The following STK38L variants were observed in gnomAD, a reference collection of about 807,000 sequenced individuals.
The protein encoded by STK38L is serine/threonine kinase 38 like.
STK38L carries 28 observed loss-of-function variants against 59.7 expected under a neutral mutation model. That is an observed-to-expected ratio of 0.47 (90% CI 0.35 to 0.64). The LOEUF is 0.64. STK38L is among the 30% of genes least tolerant of loss of function. The pLI, the probability that STK38L is intolerant of heterozygous loss-of-function variation, is 0.01. For synonymous variants in STK38L, 162 were observed against 176.8 expected, an observed-to-expected ratio of 0.92 and a Z score of 0.66; for missense variants, 314 against 555.8, an observed-to-expected ratio of 0.56 and a Z score of 4.37.
chr12:27,289,539 G>T (rs747702871), intron 1 of STK38L, among the ~76,000 whole-genome samples: 1 of 152,218 alleles, frequency 6.6e-6, no homozygotes. Flanking sequence ...CTAATGTTGA[G>T]TTCAGCACCA....
rs111612890 is a variant in STK38L at position 27,255,823 on chromosome 12, C to T, written c.-12+11491C>T. ...AACCGGTATATCTTGCTCAGGTCCC[C>T]GTCCTGATCTTAAGACCCCATTGTC... is the stretch of plus-strand genomic sequence containing the variant. On this transcript the variant is annotated intron_variant, in intron 1 of 13. Transcript: ENST00000389032. Among the ~76,000 whole-genome samples the T allele has an allele frequency of 6.4e-4, 98 of 152,196 alleles. 1 individual carries two copies. The highest frequency in any genetic ancestry group is 8.5e-4 in the Admixed American group (13 of 15,280).
At chr12:27,296,939 C>G (rs1314581398) in intron 1 of STK38L, 1 of 152,244 alleles carries the variant, frequency 6.6e-6, no homozygotes, top group Non-Finnish European at 1.5e-5. Flanking sequence ...TGCCTTTAAG[C>G]AGACATACAT....
At chr12:27,271,681 G>A (rs1389929351) in intron 1 of STK38L, among the ~76,000 whole-genome samples, 1 of 152,100 alleles carries the variant, frequency 6.6e-6, no homozygotes, top group African/African-American at 2.4e-5. Context: ...TTTGAAATGT[G>A]TCTACTCATT....
rs1372477744 is a variant in STK38L, at chr12:27,302,137, G to A, written c.135G>A (p.Arg45=). The A allele has an allele frequency of 6.2e-7, 1 of 1,603,204 alleles. No individual in the cohort carries two copies. Residue 45 remains arginine (R), a splice_region_variant and synonymous_variant, in exon 3 of 14, where the codon AGG becomes AGA. Coordinates refer to ENST00000389032, the MANE Select transcript of STK38L (RefSeq NM_015000.4). ...TTTAATTTTTTTTTCCTTTGAAAAG[G>A]CAGAAGAAATTAGAAGTGGCCATGG... ...LILQHEERET[R]QKKLEVAMEE...
At chr12:27,320,710 C>T (rs1427848067) in intron 12 of STK38L, among the ~76,000 whole-genome samples, 1 of 151,794 alleles carries the variant, frequency 6.6e-6, no homozygotes, top group Non-Finnish European at 1.5e-5. Context: ...TGTTATTATC[C>T]CTGTCTTACA....
chr12:27,290,847 C>T lies in STK38L; in HGVS notation c.-11-6863C>T, dbSNP rs1943881090. Among the ~76,000 whole-genome samples the T allele has an allele frequency of 2.6e-5, 4 of 152,166 alleles. No homozygotes were observed. The South Asian group carries it at 8.3e-4, about 31-fold the overall frequency. ...AGACTTTTCAGGAGAAACCAGAAAC[C>T]TGGATTTTCATGTGAAACCTTCTAC... On this transcript the variant is annotated intron_variant, in intron 1 of 13. Transcript: ENST00000389032.
intron 1 of STK38L, among the ~76,000 whole-genome samples, chr12:27,296,855 A>G (rs1944037368): frequency 6.6e-6 from 1 of 152,186 alleles, no homozygotes; most frequent in Non-Finnish European, 1.5e-5. Context: ...TCCTTATCTA[A>G]TAGTCCAGAT....
At chr12:27,263,427 A>G (rs1943243204) in intron 1 of STK38L, among the ~76,000 whole-genome samples, 1 of 152,190 alleles carries the variant, frequency 6.6e-6, no homozygotes. Context: ...GCCTGGTCTC[A>G]TGGAGATTGA....
intron 1 of STK38L, among the ~76,000 whole-genome samples, chr12:27,276,406 G>T (rs544612447): frequency 1.4e-4 from 22 of 152,136 alleles, no homozygotes; most frequent in Non-Finnish European, 2.6e-4. Flanking sequence ...CAGAAATCTG[G>T]CAGCCTGTCC....
At chr12:27,259,280 C>G (rs1943153934) in intron 1 of STK38L, among the ~76,000 whole-genome samples, 1 of 152,152 alleles carries the variant, frequency 6.6e-6, no homozygotes, top group South Asian at 2.1e-4. Flanking sequence ...GTCTTAACCT[C>G]TTTGGTCTTC....
At chr12:27,244,460 G>A (rs1942805214) in intron 1 of STK38L, 128 bp downstream of exon 1, 2 of 152,856 alleles carry the variant, frequency 1.3e-5, no homozygotes, top group Admixed American at 6.5e-5. Context: ...CTAATTCTGG[G>A]GCTGGAAATG....
chr12:27,267,406 C>T (rs1352247213), intron 1 of STK38L, among the ~76,000 whole-genome samples: 1 of 152,130 alleles, frequency 6.6e-6, no homozygotes, highest in African/African-American at 2.4e-5. Context: ...TAAAGGAAGA[C>T]CTCATCTCTA....
At chr12:27,319,298 TATG>T (rs1944667275) in intron 11 of STK38L, 27 bp from the exon 12 acceptor site, 2 of 1,436,812 alleles carry the variant, frequency 1.4e-6, no homozygotes. Flanking sequence ...GTAACTTGTG[TATG>T]ATAATTTCTC....
chr12:27,315,427 T>C, intron 9 of STK38L, 77 bp downstream of exon 9: 1 of 1,151,440 alleles, frequency 8.7e-7, no homozygotes, highest in Non-Finnish European at 1.2e-6. Context: ...ATTATTTTTA[T>C]CTTTATAATA....
chr12:27,292,661 C>T (rs888653024), intron 1 of STK38L, among the ~76,000 whole-genome samples: 5 of 152,134 alleles, frequency 3.3e-5, no homozygotes, highest in Non-Finnish European at 5.9e-5. Context: ...GCTTTCATTA[C>T]AAAGATAAAT....
intron 1 of STK38L, among the ~76,000 whole-genome samples, chr12:27,290,930 C>A (rs1943882897): frequency 6.6e-6 from 1 of 152,170 alleles, no homozygotes; most frequent in Non-Finnish European, 1.5e-5. Flanking sequence ...AGGTTGTAAT[C>A]TCTGACTATT....
chr12:27,315,375 A>T (rs1944561015), intron 9 of STK38L, 25 bp downstream of exon 9: 1 of 1,595,712 alleles, frequency 6.3e-7, no homozygotes, highest in Non-Finnish European at 8.5e-7. Context: ...TTTTAAGAGA[A>T]TTTTATGCCT....
intron 2 of STK38L, among the ~76,000 whole-genome samples, chr12:27,300,244 G>A (rs1339390206): frequency 6.6e-6 from 1 of 152,072 alleles, no homozygotes; most frequent in African/African-American, 2.4e-5. Flanking sequence ...GTATTTTTAA[G>A]GCTTAACTAA....
intron 5 of STK38L, among the ~76,000 whole-genome samples, chr12:27,311,530 T>G (rs917099846): frequency 2.6e-5 from 4 of 152,168 alleles, no homozygotes; most frequent in African/African-American, 9.7e-5. Flanking sequence ...ATAAATATAT[T>G]AATGCAAAAG....
Sources: allele counts gnomAD v4.1 joint callset (sites outside exome capture counted in the v4.1 genomes callset), GRCh38; gene constraint gnomAD v4.1.1; transcripts MANE v1.5; gene names NCBI Gene and HGNC (gene_info 2026-07-23, HGNC 2026-07-21).